Variants in CAMK1D observed in about 807,000 individuals in gnomAD.
The protein encoded by CAMK1D is calcium/calmodulin dependent protein kinase ID, also known as calcium/calmodulin-dependent protein kinase type 1D.
A neutral mutation model predicts 47.7 loss-of-function variants in CAMK1D; 9 were observed. The ratio of observed to expected loss-of-function variants is 0.19; its 90% CI spans 0.11 to 0.33. The LOEUF (loss-of-function observed/expected upper bound fraction) is 0.33, where lower values mean the gene tolerates loss of function less well. CAMK1D is among the 10% of genes least tolerant of loss of function. The probability of loss-of-function intolerance (pLI) is 1.00; values close to 1 mark genes in which losing one functional copy is unlikely to be tolerated. For synonymous variants in CAMK1D, 184 were observed against 184.9 expected (o/e 0.99, Z 0.04); for missense variants, 291 against 488.7 (o/e 0.60, Z 3.81).
At chr10:12,564,069 GTCTA>G (rs1027532355) in intron 2 of CAMK1D, among the ~76,000 whole-genome samples, 5 of 147,378 alleles carry the variant, frequency 3.4e-5, no homozygotes, top group South Asian at 2.2e-4. Flanking sequence ...CAGTCTGTCT[GTCTA>G]TCTATCTAGA....
At chr10:12,689,860 G>T (rs1181829293) in intron 3 of CAMK1D, among the ~76,000 whole-genome samples, 1 of 152,054 alleles carries the variant, frequency 6.6e-6, no homozygotes, top group Admixed American at 6.6e-5. Context: ...TTAAGTGGGG[G>T]GAAAATGAGG....
At chr10:12,764,391 A>AAAAAAAC (rs1564544196) in intron 4 of CAMK1D, among the ~76,000 whole-genome samples, 1 of 151,096 alleles carries the variant, frequency 6.6e-6, no homozygotes, top group African/African-American at 2.4e-5. Context: ...CAAAAAAAAA[A>AAAAAAAC]AAAAAAACAT....
At chr10:12,817,032 C>CA (rs1832827692) in intron 8 of CAMK1D, among the ~76,000 whole-genome samples, 1 of 152,120 alleles carries the variant, frequency 6.6e-6, no homozygotes, top group African/African-American at 2.4e-5. Flanking sequence ...TGGGAGCAGG[C>CA]AAAAAGAGAG....
chr10:12,401,083 G>A (rs191539344), intron 1 of CAMK1D, among the ~76,000 whole-genome samples: 3,778 of 73,428 alleles, frequency 0.051, 245 homozygotes, highest in Middle Eastern at 0.1. Flanking sequence ...TATAATATAT[G>A]TATTATATAT....
intron 1 of CAMK1D, among the ~76,000 whole-genome samples, chr10:12,463,131 T>TG (rs1833486073): frequency 2.2e-5 from 2 of 89,434 alleles, no homozygotes; most frequent in South Asian, 7.0e-4. Context: ...GCTCTAAGAG[T>TG]TTTTTTTTTT....
At chr10:12,458,044 G>T (rs1166733725) in intron 1 of CAMK1D, among the ~76,000 whole-genome samples, 1 of 152,222 alleles carries the variant, frequency 6.6e-6, no homozygotes, top group Non-Finnish European at 1.5e-5. Flanking sequence ...GAATGCCTTT[G>T]ACTTTGAATG....
At chr10:12,793,921 C>A (rs530832390) in intron 6 of CAMK1D, among the ~76,000 whole-genome samples, 1 of 152,160 alleles carries the variant, frequency 6.6e-6, no homozygotes, top group African/African-American at 2.4e-5. Context: ...CATCAGAAAG[C>A]GACATGCAAG....
At chr10:12,689,094 C>T (rs1162950970) in intron 3 of CAMK1D, among the ~76,000 whole-genome samples, 2 of 152,220 alleles carry the variant, frequency 1.3e-5, no homozygotes, top group Non-Finnish European at 2.9e-5. Flanking sequence ...GTGTTCTACC[C>T]ATTGCCTTCC....
At chr10:12,806,822 T>C (rs1838752155) in intron 6 of CAMK1D, among the ~76,000 whole-genome samples, 1 of 152,172 alleles carries the variant, frequency 6.6e-6, no homozygotes, top group Non-Finnish European at 1.5e-5. Context: ...TTCCAGGGAA[T>C]TTGTGTCTGG....
At chr10:12,827,631 TCTCTCCC>T (rs1253747624) in intron 10 of CAMK1D, among the ~76,000 whole-genome samples, 1 of 65,308 alleles carries the variant, frequency 1.5e-5, no homozygotes, top group African/African-American at 5.3e-5. Context: ...TCCTCTCTCC[TCTCTCCC>T]CTCTCCCCTC....
At chr10:12,624,977 C>T (rs537033827) in intron 2 of CAMK1D, among the ~76,000 whole-genome samples, 94 of 147,828 alleles carry the variant, frequency 6.4e-4, no homozygotes, top group Non-Finnish European at 1.1e-3. Context: ...TTCTCTTCCT[C>T]CTTCTCCTTC....
chr10:12,429,909 G>A (rs1840383801), intron 1 of CAMK1D, among the ~76,000 whole-genome samples: 1 of 152,014 alleles, frequency 6.6e-6, no homozygotes, highest in African/African-American at 2.4e-5. Context: ...AGCATCCTTT[G>A]GACACATGGG....
intron 3 of CAMK1D, among the ~76,000 whole-genome samples, chr10:12,747,892 C>T (rs961055932): frequency 5.9e-5 from 9 of 152,226 alleles, no homozygotes; most frequent in African/African-American, 2.2e-4. Context: ...ATGTTCTGTC[C>T]AGATCTTTGA....
intron 3 of CAMK1D, among the ~76,000 whole-genome samples, chr10:12,705,001 C>G (rs906011894): frequency 1.3e-5 from 2 of 152,130 alleles, no homozygotes; most frequent in African/African-American, 4.8e-5. Flanking sequence ...AGTGTTCCTT[C>G]TCTGTAGTGA....
At chr10:12,612,974 G>A (rs894518670) in intron 2 of CAMK1D, among the ~76,000 whole-genome samples, 15 of 152,220 alleles carry the variant, frequency 9.9e-5, no homozygotes, top group East Asian at 3.9e-4. Flanking sequence ...ATGAGTGTCC[G>A]CATCTCTTTC....
At chr10:12,757,571 T>G (rs916154027) in intron 3 of CAMK1D, among the ~76,000 whole-genome samples, 1 of 152,200 alleles carries the variant, frequency 6.6e-6, no homozygotes, top group Non-Finnish European at 1.5e-5. Flanking sequence ...CAGCAGTGAT[T>G]CTGGGATAGT....
In CAMK1D at chr10:12,674,599, CTTTTT is replaced by C. The variant is rs11391139; in HGVS notation, c.299+7803_299+7807del. ...TTTTATTTGGGTTTTTGGAAAAATGCTTTTTTTTTTTTTTTTTTCAGAATTCTGTT... is the reference window on the plus strand; with the variant it reads ...TTTTATTTGGGTTTTTGGAAAAATGCTTTTTTTTTTTTTCAGAATTCTGTT... On this transcript the variant is annotated intron_variant, in intron 3 of 10. Transcript: ENST00000619168. 6.3e-5 allele frequency among the ~76,000 whole-genome samples: 4 copies of C among 63,472 alleles called. 1 individual carries two copies. The highest frequency in any genetic ancestry group is 5.9e-4 in the Admixed American group (3 of 5,050). The allele number at this position is 63,472 out of a possible 152,430, so 41.6% of individuals were successfully genotyped here.
intron 1 of CAMK1D, among the ~76,000 whole-genome samples, chr10:12,423,682 A>G (rs957472838): frequency 1.3e-5 from 2 of 152,202 alleles, no homozygotes; most frequent in African/African-American, 4.8e-5. Flanking sequence ...CCTTTTCCCA[A>G]TCAGATTCAA....
At chr10:12,447,189 T>A (rs115834415) in intron 1 of CAMK1D, among the ~76,000 whole-genome samples, 3,124 of 152,242 alleles carry the variant, frequency 0.021, 117 homozygotes, top group African/African-American at 0.07. Context: ...CAAGAGGTAA[T>A]TAAATTATAA....
Sources: gnomAD v4.1 joint callset for allele counts (sites outside exome capture counted in the v4.1 genomes callset) on GRCh38, gnomAD v4.1.1 for gene constraint, MANE v1.5 for transcripts, NCBI Gene and HGNC (gene_info 2026-07-23, HGNC 2026-07-21) for gene names.